Variants in AXDND1 observed in about 807,000 individuals in gnomAD.
AXDND1 encodes the protein axonemal dynein light chain domain containing 1, also known as axonemal dynein light chain domain-containing protein 1.
Under a neutral mutation model 137.5 loss-of-function variants are expected in AXDND1, and 110 were observed. The observed-to-expected ratio is 0.80, with a 90% CI of 0.69 to 0.94. AXDND1 has a LOEUF of 0.94. AXDND1 is among the 40% of genes least tolerant of loss of function. The pLI, the probability that AXDND1 is intolerant of heterozygous loss-of-function variation, is 0.00. For missense variants in AXDND1, 1,191 were observed against 1,169.8 expected, an observed-to-expected ratio of 1.02 and a Z score of -0.26; for synonymous variants, 414 against 399.7, an observed-to-expected ratio of 1.04 and a Z score of -0.43.
intron 16 of AXDND1, among the ~76,000 whole-genome samples, chr1:179,459,636 G>A (rs1167551711): frequency 1.3e-5 from 2 of 151,690 alleles, no homozygotes; most frequent in African/African-American, 4.8e-5. Context: ...ATAGTGGTGG[G>A]TCTGCTGATT....
In AXDND1 at chr1:179,491,719, A is replaced by G. The variant is rs376539069; in HGVS notation, c.2273A>G (p.Tyr758Cys). 2.6e-6 allele frequency: 4 copies of G among 1,564,996 alleles called. No homozygotes were observed. The African/African-American group carries it at 5.5e-5, about 22-fold the overall frequency. The change falls in exon 19 of 26, where the codon TAC becomes TGC. Residue 758 changes from tyrosine to cysteine, a missense_variant. Physicochemically the swap from Tyr to Cys is radical, Grantham distance 194. Coordinates refer to ENST00000367618, the MANE Select transcript of AXDND1 (RefSeq NM_144696.6). ...AIELTRKLYQ[Y>C]SSYLSSCCKG... ...GAACTGACAAGGAAGTTGTACCAAT[A>G]CTCCAGCTATTTGAGCAGGTGAAGC...
At chr1:179,412,407 T>C (rs1030472330) in intron 12 of AXDND1, among the ~76,000 whole-genome samples, 1 of 152,184 alleles carries the variant, frequency 6.6e-6, no homozygotes, top group Non-Finnish European at 1.5e-5. Flanking sequence ...CACAGCGTTC[T>C]CCATGGAGAT....
intron 25 of AXDND1, among the ~76,000 whole-genome samples, chr1:179,546,832 C>G (rs1368545055): frequency 6.6e-6 from 1 of 152,172 alleles, no homozygotes; most frequent in Non-Finnish European, 1.5e-5. Context: ...ATACCTACAG[C>G]AACTCAGTGC....
chr1:179,423,121 G>T (rs182401694), intron 12 of AXDND1, among the ~76,000 whole-genome samples: 1 of 151,920 alleles, frequency 6.6e-6, no homozygotes, highest in East Asian at 1.9e-4. Context: ...TCCAGTGTTG[G>T]GCGTATAATT....
chr1:179,476,524 G>T (rs978082784), intron 17 of AXDND1, among the ~76,000 whole-genome samples: 1 of 151,174 alleles, frequency 6.6e-6, no homozygotes. Context: ...AGGATTTATT[G>T]TAAGGAAAGT....
At chr1:179,534,636 A>C in intron 24 of AXDND1, 94 bp from the exon 25 acceptor site, 1 of 1,463,194 alleles carries the variant, frequency 6.8e-7, no homozygotes, top group Non-Finnish European at 9.1e-7. Flanking sequence ...AGACACATTC[A>C]TCTAATCTCA....
intron 11 of AXDND1, among the ~76,000 whole-genome samples, chr1:179,406,873 T>C (rs1653056110): frequency 6.6e-6 from 1 of 152,186 alleles, no homozygotes; most frequent in African/African-American, 2.4e-5. Flanking sequence ...TATTGATAGG[T>C]GAGGACTTAC....
At chr1:179,464,516 A>G (rs1467034656) in intron 16 of AXDND1, among the ~76,000 whole-genome samples, 1 of 151,974 alleles carries the variant, frequency 6.6e-6, no homozygotes, top group Non-Finnish European at 1.5e-5. Flanking sequence ...CTTTGTGAGT[A>G]ACCCGACTTT....
chr1:179,369,181 G>T (rs1026469488), intron 3 of AXDND1, among the ~76,000 whole-genome samples: 17 of 152,112 alleles, frequency 1.1e-4, no homozygotes, highest in Non-Finnish European at 1.8e-4. Context: ...TGGCTCAGGT[G>T]ATCCTCCCAC....
At chr1:179,380,193 G>A (rs1038384762) in intron 6 of AXDND1, among the ~76,000 whole-genome samples, 8 of 151,944 alleles carry the variant, frequency 5.3e-5, no homozygotes, top group African/African-American at 1.9e-4. Context: ...AGCTTGCAGT[G>A]AGCTGAGATC....
At chr1:179,473,698 G>A (rs956534985) in intron 17 of AXDND1, among the ~76,000 whole-genome samples, 3 of 152,260 alleles carry the variant, frequency 2.0e-5, no homozygotes, top group Middle Eastern at 6.8e-3. Context: ...GTCAATGGAG[G>A]AAGGTGATTA....
intron 17 of AXDND1, among the ~76,000 whole-genome samples, chr1:179,479,530 C>G (rs981636881): frequency 2.0e-5 from 3 of 150,976 alleles, no homozygotes; most frequent in Non-Finnish European, 4.4e-5. Flanking sequence ...GTAATCCTAG[C>G]ACTTTGGGAG....
At chr1:179,384,724 G>A (rs1648924964) in intron 8 of AXDND1, among the ~76,000 whole-genome samples, 3 of 151,778 alleles carry the variant, frequency 2.0e-5, no homozygotes, top group Non-Finnish European at 4.4e-5. Context: ...TAACATAGAA[G>A]TGATATTGTG....
At chr1:179,511,325 TTTTATA>T (rs1047714815) in intron 21 of AXDND1, among the ~76,000 whole-genome samples, 7 of 135,592 alleles carry the variant, frequency 5.2e-5, no homozygotes, top group African/African-American at 1.5e-4. Flanking sequence ...CATAATATGA[TTTTATA>T]TATATATACA....
intron 18 of AXDND1, among the ~76,000 whole-genome samples, chr1:179,485,719 T>C (rs1316769099): frequency 1.4e-5 from 2 of 144,470 alleles, no homozygotes. Flanking sequence ...ATTCAGAATA[T>C]GTATAGGAAC....
chr1:179,516,512 G>A (rs1368438083), intron 21 of AXDND1, among the ~76,000 whole-genome samples: 1 of 152,142 alleles, frequency 6.6e-6, no homozygotes, highest in Non-Finnish European at 1.5e-5. Flanking sequence ...GTGATTTTCT[G>A]GGGGTGTTAA....
At chr1:179,509,648 A>G (rs1387967144) in intron 21 of AXDND1, among the ~76,000 whole-genome samples, 1 of 152,194 alleles carries the variant, frequency 6.6e-6, no homozygotes, top group East Asian at 1.9e-4. Flanking sequence ...GGTTTCAGGT[A>G]GAAGCTCCCT....
chr1:179,488,743 T>C lies in AXDND1; in HGVS notation c.2092-2795T>C, dbSNP rs528957119. Among the ~76,000 whole-genome samples the C allele has an allele frequency of 1.2e-3, 151 of 128,064 alleles. 16 individuals are homozygous for C. Among genetic ancestry groups the C allele is most frequent in the Middle Eastern group, 4.0e-3 (1 of 250 alleles). The allele number at this position is 128,064 out of a possible 152,430, so 84.0% of individuals were successfully genotyped here. A position where few individuals can be genotyped will look rare whatever the true frequency, so the allele number is the denominator to read the frequency against. On this transcript the variant is annotated intron_variant, in intron 18 of 25. Transcript: ENST00000367618. Reference sequence around the variant, plus strand: ...CTCTTTCTTTCTCTCTCTCTCTTTCTTTTTTTTTTGAAATGGAGTCTCGCT... The same window carrying C: ...CTCTTTCTTTCTCTCTCTCTCTTTCCTTTTTTTTTGAAATGGAGTCTCGCT...
At chr1:179,449,394 T>G (rs1660214650) in intron 16 of AXDND1, 2 of 186,112 alleles carry the variant, frequency 1.1e-5, no homozygotes, top group South Asian at 1.6e-4. Context: ...ATGTTTGTCC[T>G]TGTGCCACAT....
Sources: allele counts gnomAD v4.1 joint callset (sites outside exome capture counted in the v4.1 genomes callset), GRCh38; gene constraint gnomAD v4.1.1; transcripts MANE v1.5; gene names NCBI Gene and HGNC (gene_info 2026-07-23, HGNC 2026-07-21).